The following ERBB4 variants were observed in gnomAD, a reference collection of about 807,000 sequenced individuals.
The protein encoded by ERBB4 is receptor tyrosine-protein kinase erbB-4.
A neutral mutation model predicts 158.0 loss-of-function variants in ERBB4; 42 were observed. That is an observed-to-expected ratio of 0.27 (90% CI 0.21 to 0.34). The LOEUF (loss-of-function observed/expected upper bound fraction) is 0.34. Among genes scored for constraint, ERBB4 ranks in the 10% least tolerant of loss-of-function variants. The pLI, the probability that ERBB4 is intolerant of heterozygous loss-of-function variation, is 1.00. For missense variants in ERBB4, 1,333 were observed against 1,624.1 expected, an observed-to-expected ratio of 0.82 and a Z score of 3.08; for synonymous variants, 583 against 558.7, an observed-to-expected ratio of 1.04 and a Z score of -0.61.
At chr2:212,352,592 G>T (rs1910865) in intron 1 of ERBB4, among the ~76,000 whole-genome samples, 53,752 of 152,008 alleles carry the variant, frequency 0.35, 11,490 homozygotes, top group East Asian at 0.77. Context: ...AACTGGCCAG[G>T]TGTGGTGGCT....
intron 1 of ERBB4, among the ~76,000 whole-genome samples, chr2:212,435,045 C>T (rs562732547): frequency 6.6e-6 from 1 of 151,942 alleles, no homozygotes; most frequent in Non-Finnish European, 1.5e-5. Flanking sequence ...TTTAGGCATT[C>T]ATTCATATTT....
Position 211,975,743 on chromosome 2 carries a change from A to G in ERBB4, c.235-28127T>C, listed in dbSNP as rs4673643. 1.4e-3 allele frequency among the ~76,000 whole-genome samples: 213 copies of G among 152,272 alleles called. 2 individuals carry two copies. The East Asian group carries it at 0.022, about 16-fold the overall frequency. Reference sequence around the variant, plus strand: ...CTTGTATACAATTTTTCAATATGTCATTAGTAACAGAATTCACAGGAAAAA... The same window carrying G: ...CTTGTATACAATTTTTCAATATGTCGTTAGTAACAGAATTCACAGGAAAAA... On this transcript the variant is annotated intron_variant, in intron 2 of 27. Transcript: ENST00000342788.
At chr2:211,726,116 C>G (rs55897719) in intron 5 of ERBB4, among the ~76,000 whole-genome samples, 64 of 152,064 alleles carry the variant, frequency 4.2e-4, no homozygotes, top group Non-Finnish European at 6.3e-4. Flanking sequence ...ATATCACTTC[C>G]TGGTTTCTGT....
chr2:212,472,285 C>T (rs1689152153), intron 1 of ERBB4, among the ~76,000 whole-genome samples: 1 of 151,760 alleles, frequency 6.6e-6, no homozygotes, highest in South Asian at 2.1e-4. Context: ...AATATATTGG[C>T]ACAACAACCT....
At chr2:212,273,283 C>T (rs1199258105) in intron 1 of ERBB4, among the ~76,000 whole-genome samples, 1 of 151,754 alleles carries the variant, frequency 6.6e-6, no homozygotes, top group Non-Finnish European at 1.5e-5. Flanking sequence ...CAATTATATA[C>T]TTAAATCATA....
chr2:211,593,486 A>G (rs1574825642), intron 19 of ERBB4, among the ~76,000 whole-genome samples: 1 of 152,140 alleles, frequency 6.6e-6, no homozygotes, highest in Non-Finnish European at 1.5e-5. Flanking sequence ...AATGAGCTCA[A>G]GTTGTATCTC....
At chr2:211,967,301 A>T in intron 2 of ERBB4, among the ~76,000 whole-genome samples, 1 of 152,098 alleles carries the variant, frequency 6.6e-6, no homozygotes, top group East Asian at 1.9e-4. Flanking sequence ...AAACCTTGAT[A>T]TGTAATAGGG....
chr2:212,474,822 C>CCTTTTTTTTTTTTTTTTTTTTTTTTTTTT (rs1689295723), intron 1 of ERBB4, among the ~76,000 whole-genome samples: 1 of 94,412 alleles, frequency 1.1e-5, no homozygotes, highest in African/African-American at 6.1e-5. Flanking sequence ...CCCGGCCATT[C>CCTTTTTTTTTTTTTTTTTTTTTTTTTTTT]TTTTTTTTTT....
At chr2:211,877,594 G>A (rs1559603213) in intron 3 of ERBB4, among the ~76,000 whole-genome samples, 1 of 148,760 alleles carries the variant, frequency 6.7e-6, no homozygotes, top group African/African-American at 2.5e-5. Flanking sequence ...CAGGGATATT[G>A]CTATTAGTCC....
intron 20 of ERBB4, among the ~76,000 whole-genome samples, chr2:211,483,614 C>T (rs1015364287): frequency 2.0e-5 from 3 of 151,930 alleles, no homozygotes; most frequent in Non-Finnish European, 4.4e-5. Context: ...TGCAGTGGTG[C>T]GATCTTGGCT....
chr2:212,134,292 C>G (rs1225403296), intron 1 of ERBB4, among the ~76,000 whole-genome samples: 2 of 151,906 alleles, frequency 1.3e-5, no homozygotes, highest in African/African-American at 4.8e-5. Flanking sequence ...ATACATTACT[C>G]TATTAGTATA....
intron 12 of ERBB4, among the ~76,000 whole-genome samples, chr2:211,679,664 T>C (rs1474884109): frequency 8.4e-6 from 1 of 118,390 alleles, no homozygotes; most frequent in African/African-American, 3.3e-5. Flanking sequence ...GAGAAAGGAA[T>C]AGAAATAAAA....
chr2:211,521,846 G>A (rs1434313808), intron 20 of ERBB4, among the ~76,000 whole-genome samples: 1 of 152,112 alleles, frequency 6.6e-6, no homozygotes, highest in Non-Finnish European at 1.5e-5. Flanking sequence ...AGGCCCAGAT[G>A]ACAGCACATC....
intron 3 of ERBB4, among the ~76,000 whole-genome samples, chr2:211,915,455 A>ATC (rs1317637006): frequency 9.3e-4 from 140 of 150,820 alleles, no homozygotes; most frequent in African/African-American, 3.2e-3. Flanking sequence ...ATATATATAT[A>ATC]TCTCCAATAC....
intron 6 of ERBB4, among the ~76,000 whole-genome samples, chr2:211,723,478 A>C (rs894183263): frequency 6.6e-6 from 1 of 152,172 alleles, no homozygotes; most frequent in Non-Finnish European, 1.5e-5. Flanking sequence ...TATGGTTATT[A>C]ATAAGCATTA....
chr2:211,450,824 C>T (rs767549987), intron 20 of ERBB4, among the ~76,000 whole-genome samples: 37 of 152,272 alleles, frequency 2.4e-4, no homozygotes, highest in Non-Finnish European at 4.9e-4. Context: ...TACCTGACAA[C>T]ATATAGGCAT....
chr2:212,320,090 C>G (rs2106261836), intron 1 of ERBB4, among the ~76,000 whole-genome samples: 1 of 149,946 alleles, frequency 6.7e-6, no homozygotes. Flanking sequence ...AAAGTGATGG[C>G]ATTGTACTGA....
chr2:211,650,137 G>T (rs778262396), intron 16 of ERBB4, among the ~76,000 whole-genome samples: 5 of 151,818 alleles, frequency 3.3e-5, no homozygotes, highest in Non-Finnish European at 5.9e-5. Flanking sequence ...TATGAAAAAA[G>T]GTACTTACTT....
intron 3 of ERBB4, among the ~76,000 whole-genome samples, chr2:211,907,077 G>T (rs996975563): frequency 6.6e-6 from 1 of 151,702 alleles, no homozygotes; most frequent in South Asian, 2.1e-4. Flanking sequence ...TACCAGCTTT[G>T]CTCATCTACA....
Sources: gnomAD v4.1 joint callset for allele counts (sites outside exome capture counted in the v4.1 genomes callset) on GRCh38, gnomAD v4.1.1 for gene constraint, MANE v1.5 for transcripts, NCBI Gene and HGNC (gene_info 2026-07-23, HGNC 2026-07-21) for gene names.